PPCS: variants seen among roughly 807,000 people sequenced by gnomAD.
PPCS encodes phosphopantothenate--cysteine ligase.
In PPCS, 17 loss-of-function variants were observed where a neutral mutation model predicts 24.6. That is an observed-to-expected ratio of 0.69 (90% CI 0.47 to 1.04). The LOEUF is 1.04. PPCS is among the 50% of genes least tolerant of loss of function. The pLI is 0.00. For missense variants in PPCS, 360 were observed against 402.8 expected, an observed-to-expected ratio of 0.89 and a Z score of 0.91; for synonymous variants, 190 against 168.3, an observed-to-expected ratio of 1.13 and a Z score of -1.00.
downstream of PPCS, chr1:42,463,697 C>G (rs778021473): frequency 4.6e-5 from 7 of 152,152 alleles, no homozygotes; most frequent in Non-Finnish European, 8.8e-5. Context: ...GGTGAGGTGT[C>G]GAGACGCGCC....
downstream of PPCS, among the ~76,000 whole-genome samples, chr1:42,466,212 A>G (rs1312814188): frequency 6.6e-6 from 1 of 152,164 alleles, no homozygotes; most frequent in Non-Finnish European, 1.5e-5. Flanking sequence ...TTTGTTCCCT[A>G]GAGTCACTCA....
chr1:42,457,366 C>T lies in PPCS; in HGVS notation c.612+16C>T, dbSNP rs546871807. ...CCCACTGCAGGTGATGGGCGCTTCTCTTCCAGAGATCTAATCCCATATAAC... is the reference window on the plus strand; with the variant it reads ...CCCACTGCAGGTGATGGGCGCTTCTTTTCCAGAGATCTAATCCCATATAAC... On this transcript the variant is annotated intron_variant, in intron 2 of 2. Coordinates refer to ENST00000372561, the MANE Select transcript of PPCS (RefSeq NM_024664.4). 11 of 1,601,222 alleles carry T rather than the reference C, an allele frequency of 6.9e-6. No homozygotes were observed. Among genetic ancestry groups the T allele is most frequent in the Non-Finnish European group, 7.7e-6 (9 of 1,168,428 alleles).
downstream of PPCS, among the ~76,000 whole-genome samples, chr1:42,464,403 T>C (rs1643503107): frequency 6.6e-6 from 1 of 152,230 alleles, no homozygotes; most frequent in African/African-American, 2.4e-5. Context: ...TAAGACAGGA[T>C]TTCAACTTTA....
chr1:42,464,850 C>CA (rs1213238149), downstream of PPCS, among the ~76,000 whole-genome samples: 2 of 152,090 alleles, frequency 1.3e-5, no homozygotes, highest in Non-Finnish European at 2.9e-5. Flanking sequence ...TTTCTCAGTC[C>CA]AATAGAAGCA....
At chr1:42,466,123 G>GTATCT, downstream of PPCS, among the ~76,000 whole-genome samples, 1 of 152,328 alleles carries the variant, frequency 6.6e-6, no homozygotes, top group East Asian at 1.9e-4. Context: ...TGTGAAAGGA[G>GTATCT]TGGAAAATAG....
In PPCS at chr1:42,470,184, C is replaced by G. The variant is rs866953123; in HGVS notation, n.378-2938C>G. 2.6e-5 allele frequency among the ~76,000 whole-genome samples: 4 copies of G among 152,142 alleles called. No homozygotes were observed. In the Middle Eastern group the frequency reaches 0.01, roughly 388 times the overall value. On this transcript the variant is annotated intron_variant and non_coding_transcript_variant, in intron 2 of 2. Transcript: ENST00000471420. ...GCAAACAAGTGAAGCCAAAGAGTATCTGGTAGTTTGAGAGAGGATGTAATG... is the reference window on the plus strand; with the variant it reads ...GCAAACAAGTGAAGCCAAAGAGTATGTGGTAGTTTGAGAGAGGATGTAATG...
Position 42,460,025 on chromosome 1 carries a change from A to G in PPCS, c.*99A>G. On this transcript the variant is annotated 3_prime_UTR_variant, in exon 3 of 3. Coordinates refer to ENST00000372561, the MANE Select transcript of PPCS (RefSeq NM_024664.4). ...GCTTTCATATGGACAGATAAAATGA[A>G]AGAAAGGGAAAAGGCAGTGGTGTGT... 2.1e-6 allele frequency: 3 copies of G among 1,451,248 alleles called. No individual in the cohort carries two copies. Among genetic ancestry groups the G allele is most frequent in the Middle Eastern group, 2.6e-4 (1 of 3,904 alleles). 89.9% of individuals were successfully genotyped at this position (1,451,248 alleles called of 1,614,324 possible). A position where few individuals can be genotyped will look rare whatever the true frequency, so the allele number is the denominator to read the frequency against.
At chr1:42,461,801 T>C (rs1643420322), downstream of PPCS, among the ~76,000 whole-genome samples, 1 of 152,096 alleles carries the variant, frequency 6.6e-6, no homozygotes, top group African/African-American at 2.4e-5. Flanking sequence ...CGCCCCGGCC[T>C]TCCAAAGTGC....
chr1:42,471,950 A>C (rs1643783098), intron 2 of PPCS, among the ~76,000 whole-genome samples: 1 of 152,216 alleles, frequency 6.6e-6, no homozygotes, highest in Admixed American at 6.5e-5. Context: ...TATGTCTGTC[A>C]CTGCAATTTG....
downstream of PPCS, among the ~76,000 whole-genome samples, chr1:42,462,245 T>C (rs1643432712): frequency 6.6e-6 from 1 of 152,108 alleles, no homozygotes; most frequent in African/African-American, 2.4e-5. Flanking sequence ...TGTGTGTGTT[T>C]TAATAGCAAA....
Position 42,457,276 on chromosome 1 carries a change from G to A in PPCS, c.538G>A (p.Ala180Thr). Residue 180 changes from alanine (A) to threonine (T), a missense_variant, in exon 2 of 3, where the codon GCT becomes ACT. Physicochemically the swap from Ala to Thr is moderately conservative, Grantham distance 58. This residue lies in a region of PPCS where 116 missense variants were observed against 168.1 expected (regional missense o/e 0.69). Coordinates refer to ENST00000372561, the MANE Select transcript of PPCS (RefSeq NM_024664.4). ...TTCTGCGATGTTTTACCTGGCTGCGGCTGTGTCAGATTTCTATGTTCCTGT... is the reference window on the plus strand; with the variant it reads ...TTCTGCGATGTTTTACCTGGCTGCGACTGTGTCAGATTTCTATGTTCCTGT... ...GPSAMFYLAAAVSDFYVPVSE... is the reference protein window; with the variant it reads ...GPSAMFYLAATVSDFYVPVSE... 6.2e-7 allele frequency: 1 copy of A among 1,614,186 alleles called. No individual in the cohort carries two copies. Among genetic ancestry groups the A allele is most frequent in the African/African-American group, 1.3e-5 (1 of 75,050 alleles).
chr1:42,456,511 G>A, upstream of PPCS: 1 of 1,431,168 alleles, frequency 7.0e-7, no homozygotes, highest in South Asian at 1.5e-5. Flanking sequence ...TAGGCGAGAA[G>A]GGGCGTGGCG....
chr1:42,456,656 G>A lies in PPCS; in HGVS notation c.91G>A (p.Gly31Ser). 1 of 1,598,686 alleles carries A rather than the reference G, an allele frequency of 6.3e-7. No homozygotes were observed. Among genetic ancestry groups the A allele is most frequent in the Non-Finnish European group, 8.5e-7 (1 of 1,174,822 alleles). ...EVMARFAARL[G>S]AQGRRVVLVT... ...TATGGCTCGCTTCGCGGCCAGGCTG[G>A]GCGCGCAGGGCCGGCGGGTGGTGTT... Residue 31 changes from glycine to serine, a missense_variant, in exon 1 of 3, where the codon GGC (glycine) becomes AGC (serine). Around this residue, in one of 2 missense-constraint regions of PPCS, gnomAD observed 244 missense variants for 234.7 expected, o/e 1.04. Transcript: ENST00000372561.
upstream of PPCS, chr1:42,456,495 A>G (rs962971246): frequency 3.8e-5 from 53 of 1,407,548 alleles, no homozygotes; most frequent in Admixed American, 9.4e-5. Context: ...CGGCGCGTAC[A>G]CCAGGTAGGC....
downstream of PPCS, among the ~76,000 whole-genome samples, chr1:42,465,004 A>C (rs4660227): frequency 0.39 from 59,121 of 152,060 alleles, 11,994 homozygotes; most frequent in East Asian, 0.59. Flanking sequence ...ACTGGATAAA[A>C]CCTAACTCTT....
chr1:42,459,155 C>CTTTTTTT (rs11316113), intron 2 of PPCS: 5 of 92,722 alleles, frequency 5.4e-5, no homozygotes, highest in Non-Finnish European at 6.0e-5. Flanking sequence ...AGAGCCAAGG[C>CTTTTTTT]TTTTTTTTTT....
chr1:42,473,009 C>G (rs966467078), intron 2 of PPCS: 3 of 995,760 alleles, frequency 3.0e-6, no homozygotes, highest in Admixed American at 4.5e-5. Flanking sequence ...TGCTAGTACC[C>G]TAAAGACTAG....
At chr1:42,473,127 AG>A in exon 3 of PPCS, 1 of 1,228,376 alleles carries the variant, frequency 8.1e-7, no homozygotes. Flanking sequence ...TCAAGGGAAA[AG>A]TTCAGTTAGA....
intron 2 of PPCS, among the ~76,000 whole-genome samples, chr1:42,466,836 G>A (rs1643604806): frequency 6.6e-6 from 1 of 152,338 alleles, no homozygotes; most frequent in African/African-American, 2.4e-5. Context: ...ACAGGCATGA[G>A]CCTCTGCGCC....
Sources: allele counts gnomAD v4.1 joint callset (sites outside exome capture counted in the v4.1 genomes callset), GRCh38; gene constraint gnomAD v4.1.1; regional missense constraint gnomAD v4.1.1; transcripts MANE v1.5; gene names NCBI Gene and HGNC (gene_info 2026-07-23, HGNC 2026-07-21).